DHRS4L2: variants seen among roughly 807,000 people sequenced by gnomAD.
DHRS4L2 encodes dehydrogenase/reductase 4 like 2, also known as dehydrogenase/reductase SDR family member 4-like 2.
In DHRS4L2, 22 loss-of-function variants were observed where a neutral mutation model predicts 23.9. The ratio of observed to expected loss-of-function variants is 0.92; its 90% CI spans 0.66 to 1.31. DHRS4L2 has a LOEUF of 1.31. Among genes scored for constraint, DHRS4L2 ranks in the 40% most tolerant of loss-of-function variants. DHRS4L2 has a pLI of 0.00. For synonymous variants in DHRS4L2, 141 were observed against 123.7 expected (o/e 1.14, Z -0.93); for missense variants, 385 against 303.3 (o/e 1.27, Z -2.00).
chr14:23,995,821 CAT>C lies in DHRS4L2; in HGVS notation c.408+689_408+690del, dbSNP rs558330259. 2.8e-4 allele frequency among the ~76,000 whole-genome samples: 42 copies of C among 151,880 alleles called. No individual in the cohort carries two copies. The East Asian group carries it at 6.9e-3, about 25-fold the overall frequency. The stretch of plus-strand genomic sequence containing the variant: ...TTGTTTATTAAGGTTAATATTCCCA[CAT>C]GATTGGGAAATGCTAATTTTTATGA... On this transcript the variant is annotated intron_variant, in intron 3 of 7. Transcript: ENST00000335125.
At chr14:23,994,849 GCA>G (rs2034345923) in intron 2 of DHRS4L2, among the ~76,000 whole-genome samples, 181 bp from the exon 3 acceptor site, 2 of 151,718 alleles carry the variant, frequency 1.3e-5, no homozygotes, top group Admixed American at 1.3e-4. Flanking sequence ...AGGTCTCGCT[GCA>G]TGGCCCAGGC....
In DHRS4L2 at chr14:23,989,070, C is replaced by G; in HGVS notation, c.123C>G (p.Thr41=). ...TNKVALVTAS[T]DGIGFAIARR... The stretch of plus-strand genomic sequence containing the variant: ...AGGTGGCCCTGGTAACGGCCTCCAC[C>G]GACGGGTGAGTGTTGGTGCCGGAGT... The change falls in exon 1 of 8, where the codon ACC becomes ACG. Residue 41 remains threonine (T), a synonymous_variant. Transcript: ENST00000335125. The G allele has an allele frequency of 1.3e-6, 2 of 1,572,126 alleles. No homozygotes were observed. Among genetic ancestry groups the G allele is most frequent in the Non-Finnish European group, 1.7e-6 (2 of 1,159,028 alleles).
chr14:23,974,402 G>A (rs570682351), intron 1 of DHRS4L2, among the ~76,000 whole-genome samples: 15 of 151,404 alleles, frequency 9.9e-5, no homozygotes, highest in Non-Finnish European at 1.9e-4. Flanking sequence ...GATGATCAGA[G>A]CAGAACTGAA....
At chr14:24,005,768 T>G (rs1372206889) in intron 7 of DHRS4L2, 118 bp from the exon 8 acceptor site, 19 of 1,540,542 alleles carry the variant, frequency 1.2e-5, no homozygotes, top group Non-Finnish European at 1.7e-5. Flanking sequence ...GCTTGTACAC[T>G]GATCCTGAAA....
At chr14:23,984,914 T>C (rs184811662), upstream of DHRS4L2, among the ~76,000 whole-genome samples, 20 of 146,904 alleles carry the variant, frequency 1.4e-4, no homozygotes, top group East Asian at 3.8e-3. Context: ...GAAGAAGGGG[T>C]CAGGGGGCTC....
At chr14:23,974,697 A>G (rs928491681) in intron 1 of DHRS4L2, among the ~76,000 whole-genome samples, 18 of 151,890 alleles carry the variant, frequency 1.2e-4, no homozygotes, top group African/African-American at 4.4e-4. Flanking sequence ...AGACTAAATC[A>G]GGACGAAGTT....
chr14:23,987,155 G>C (rs2034161876), upstream of DHRS4L2: 5 of 308,884 alleles, frequency 1.6e-5, no homozygotes, highest in Admixed American at 4.6e-5. Flanking sequence ...TGTTGAGACA[G>C]AGTCTCCATC....
chr14:23,989,209 C>T, intron 1 of DHRS4L2, 134 bp downstream of exon 1: 2 of 1,460,524 alleles, frequency 1.4e-6, no homozygotes, highest in East Asian at 5.0e-5. Flanking sequence ...AAAAAGTAGC[C>T]ACGTGGTCCG....
chr14:23,992,151 A>G (rs2034283726), intron 2 of DHRS4L2, among the ~76,000 whole-genome samples: 1 of 151,654 alleles, frequency 6.6e-6, no homozygotes, highest in East Asian at 1.9e-4. Context: ...CAAGAGAAAG[A>G]TGGTTATTAG....
At chr14:23,992,754 T>C (rs1418447803) in intron 2 of DHRS4L2, among the ~76,000 whole-genome samples, 4 of 150,428 alleles carry the variant, frequency 2.7e-5, no homozygotes, top group Admixed American at 6.6e-5. Context: ...GACATGATCA[T>C]AGCTCACTGT....
intron 1 of DHRS4L2, among the ~76,000 whole-genome samples, chr14:23,981,780 A>G (rs1008185158): frequency 3.3e-5 from 5 of 151,726 alleles, no homozygotes; most frequent in Non-Finnish European, 5.9e-5. Context: ...TGTGTCACAA[A>G]TAAGTTCAAG....
In DHRS4L2 at chr14:24,005,904, T is replaced by C. The variant is rs1161074493; in HGVS notation, c.*41T>C. On this transcript the variant is annotated 3_prime_UTR_variant, in exon 8 of 8. Transcript: ENST00000335125. ...TCCCCAGGTTAGGCGAGCCAGAGGA[T>C]TGTGCTGGCATCGTGTCTTTCCTGT... 2.5e-6 allele frequency: 4 copies of C among 1,606,484 alleles called. No individual in the cohort carries two copies. The highest frequency in any genetic ancestry group is 3.4e-6 in the Non-Finnish European group (4 of 1,176,806).
At chr14:23,987,765 T>A (rs866032488), upstream of DHRS4L2, among the ~76,000 whole-genome samples, 1 of 151,864 alleles carries the variant, frequency 6.6e-6, no homozygotes, top group African/African-American at 2.4e-5. Context: ...TTTTCTCATT[T>A]TGCTTTGAAC....
rs1473623564 is a variant in DHRS4L2 at position 24,004,655 on chromosome 14, G to C, written c.*22+263G>C. The C allele has an allele frequency of 6.1e-6, 4 of 653,066 alleles. No homozygotes were observed. In the African/African-American group the frequency reaches 6.8e-5, roughly 11 times the overall value. The allele number at this position is 653,066 out of a possible 1,614,324, so 40.5% of individuals were successfully genotyped here. On this transcript the variant is annotated intron_variant, in intron 7 of 7. Transcript: ENST00000335125. ...GCCCTGAGTCCTCTCTCCACCTGGG[G>C]GATTGCCTCCACCTCTGAGCATCCA...
At chr14:23,988,878 G>T, upstream of DHRS4L2, 1 of 1,576,060 alleles carries the variant, frequency 6.3e-7, no homozygotes, top group Non-Finnish European at 8.6e-7. Flanking sequence ...CCCGCCCTTC[G>T]TCCTGCCCCT....
At chr14:23,974,898 A>G (rs1466384953) in intron 1 of DHRS4L2, among the ~76,000 whole-genome samples, 1 of 151,858 alleles carries the variant, frequency 6.6e-6, no homozygotes, top group African/African-American at 2.4e-5. Flanking sequence ...AACTCATTTT[A>G]TAATGCCAGA....
chr14:24,005,951 T>C lies in DHRS4L2; in HGVS notation c.*88T>C. The stretch of plus-strand genomic sequence containing the variant: ...CTGTGCTCTGAAGATGCCAGCTACA[T>C]CACTGGGGAAACAGTGGTGGTGGGT... On this transcript the variant is annotated 3_prime_UTR_variant, in exon 8 of 8. Coordinates refer to ENST00000335125, the MANE Select transcript of DHRS4L2 (RefSeq NM_198083.4). The C allele has an allele frequency of 6.2e-7, 1 of 1,611,858 alleles. No homozygotes were observed. Among genetic ancestry groups the C allele is most frequent in the Non-Finnish European group, 8.5e-7 (1 of 1,179,218 alleles).
intron 1 of DHRS4L2, 107 bp from the exon 2 acceptor site, chr14:23,990,075 G>C: frequency 6.5e-7 from 1 of 1,533,140 alleles, no homozygotes; most frequent in Non-Finnish European, 8.8e-7. Context: ...GAGTTATATA[G>C]AGAAAGAGCC....
chr14:23,972,952 A>G (rs143710783), intron 1 of DHRS4L2, among the ~76,000 whole-genome samples: 2,310 of 149,324 alleles, frequency 0.015, 71 homozygotes, highest in African/African-American at 0.049. Context: ...AAAGAATAAC[A>G]AGGCAGCATT....
Sources: allele counts gnomAD v4.1 joint callset (sites outside exome capture counted in the v4.1 genomes callset), GRCh38; gene constraint gnomAD v4.1.1; transcripts MANE v1.5; gene names NCBI Gene and HGNC (gene_info 2026-07-23, HGNC 2026-07-21).